FAXC: variants seen among roughly 807,000 people sequenced by gnomAD.
The protein encoded by FAXC is failed axon connections homolog, metaxin like GST domain containing.
Under a neutral mutation model 41.9 loss-of-function variants are expected in FAXC, and 10 were observed. The observed-to-expected ratio is 0.24, with a 90% confidence interval of 0.15 to 0.41. FAXC has a LOEUF of 0.41. Ranked by LOEUF, FAXC falls within the 10% of genes least tolerant of loss-of-function variation. FAXC has a pLI of 1.00. For synonymous variants in FAXC, 183 were observed against 183.8 expected (o/e 1.00, Z 0.03); for missense variants, 399 against 510.9 (o/e 0.78, Z 2.11).
At chr6:99,296,624 C>T (rs559869336) in intron 4 of FAXC, among the ~76,000 whole-genome samples, 2 of 152,274 alleles carry the variant, frequency 1.3e-5, no homozygotes, top group African/African-American at 4.8e-5. Flanking sequence ...GTGCAGAGCC[C>T]TCCTGACGAT....
chr6:99,318,694 G>A (rs1014600462), intron 4 of FAXC, among the ~76,000 whole-genome samples: 6 of 152,202 alleles, frequency 3.9e-5, no homozygotes, highest in Admixed American at 3.3e-4. Flanking sequence ...CCTGCAGTAA[G>A]TACTTTACAG....
rs947481879 is a variant in FAXC, at chr6:99,292,348, C to G, written c.824-528G>C. On this transcript the variant is annotated intron_variant, in intron 4 of 5. Coordinates refer to ENST00000389677, the MANE Select transcript of FAXC (RefSeq NM_032511.4). ...TGGCAAAGTTCTCACCTCTGAGGAT[C>G]AGCTTCCATGGAAAACAATAAGTAA... 6.6e-5 allele frequency among the ~76,000 whole-genome samples: 10 copies of G among 152,214 alleles called. 1 individual carries two copies. The highest frequency in any genetic ancestry group is 2.4e-4 in the African/African-American group (10 of 41,454).
At chr6:99,306,956 G>T (rs1001763309) in intron 4 of FAXC, among the ~76,000 whole-genome samples, 13 of 152,170 alleles carry the variant, frequency 8.5e-5, no homozygotes, top group Non-Finnish European at 1.6e-4. Flanking sequence ...AGGGAGCTGG[G>T]AATCTCTGGA....
intron 3 of FAXC, 25 bp downstream of exon 3, chr6:99,333,326 C>G: frequency 3.8e-6 from 6 of 1,560,136 alleles, no homozygotes; most frequent in Non-Finnish European, 3.5e-6. Context: ...TTCGAAAGGA[C>G]GGGGACACCC....
chr6:99,336,696 C>T (rs1220056371), intron 2 of FAXC, among the ~76,000 whole-genome samples: 1 of 152,180 alleles, frequency 6.6e-6, no homozygotes, highest in Non-Finnish European at 1.5e-5. Context: ...GACCCTGGAC[C>T]TCCCTGGGTC....
At chr6:99,331,472 A>T (rs1773021099) in intron 3 of FAXC, among the ~76,000 whole-genome samples, 1 of 152,242 alleles carries the variant, frequency 6.6e-6, no homozygotes, top group Non-Finnish European at 1.5e-5. Context: ...ATGAATTTTT[A>T]GCAAGGAGTA....
chr6:99,291,240 T>G (rs1341050786), intron 5 of FAXC, among the ~76,000 whole-genome samples: 1 of 152,176 alleles, frequency 6.6e-6, no homozygotes, highest in Non-Finnish European at 1.5e-5. Flanking sequence ...CAGTTTAGAC[T>G]CAGAGCATCT....
Position 99,323,611 on chromosome 6 carries a change from G to C in FAXC, c.656C>G (p.Ser219Cys), listed in dbSNP as rs1772673422. The C allele has an allele frequency of 1.9e-6, 3 of 1,614,128 alleles. No individual in the cohort carries two copies. The highest frequency in any genetic ancestry group is 1.3e-5 in the African/African-American group (1 of 74,950). Residue 219 changes from serine to cysteine, a missense_variant, in exon 4 of 6, where the codon TCT (serine) becomes TGT (cysteine). Physicochemically the swap from Ser to Cys is moderately radical, Grantham distance 112 (BLOSUM62 -1). This residue lies in a region of FAXC where 239 missense variants were observed against 352.7 expected (regional missense o/e 0.68). Transcript: ENST00000389677. ...GCTGAAGGGACCACCACCACTAAGA[G>C]AGAGCATCTTCCGGGTCTCATTGAG... ...DNLNETRKML[S>C]LSGGGPFSNL...
chr6:99,313,657 T>C (rs1014518872), intron 4 of FAXC, among the ~76,000 whole-genome samples: 3 of 152,244 alleles, frequency 2.0e-5, no homozygotes, highest in African/African-American at 7.2e-5. Flanking sequence ...CCATATTTTA[T>C]TCTGGCACCT....
rs890725209 is a variant in FAXC, at chr6:99,279,343, C to T, written c.*1821G>A. On this transcript the variant is annotated 3_prime_UTR_variant, in exon 6 of 6. Coordinates refer to ENST00000389677, the MANE Select transcript of FAXC (RefSeq NM_032511.4). Reference sequence around the variant, plus strand: ...GTATCTCAGCACGTATTCCCAGTTACATATGCCCTACACAATTGCTTAAGT... The same window carrying T: ...GTATCTCAGCACGTATTCCCAGTTATATATGCCCTACACAATTGCTTAAGT... 3 of 152,180 alleles carry T rather than the reference C, an allele frequency of 2.0e-5. No individual in the cohort carries two copies. The highest frequency in any genetic ancestry group is 4.4e-5 in the Non-Finnish European group (3 of 68,024). 9.4% of individuals were successfully genotyped at this position (152,180 alleles called of 1,614,324 possible).
rs763712081 is a variant in FAXC at position 99,281,247 on chromosome 6, G to A, written c.1147C>T (p.Pro383Ser). The change falls in exon 6 of 6, where the codon CCA (proline) becomes TCA (serine). Residue 383 changes from proline (P) to serine (S), a missense_variant. Pro to Ser is a moderately conservative substitution (Grantham distance 74). This residue lies in a region of FAXC where 92 missense variants were observed against 94.9 expected (regional missense o/e 0.97). Coordinates refer to ENST00000389677, the MANE Select transcript of FAXC (RefSeq NM_032511.4). ...EGAENSFSRT[P>S]DTDFTGHSLF... is the part of the protein sequence containing the mutation. The stretch of plus-strand genomic sequence containing the variant: ...GAGTGTCCAGTAAAATCTGTGTCTG[G>A]GGTTCTGGAAAAACTGTTTTCTGCT... The A allele has an allele frequency of 6.2e-7, 1 of 1,613,694 alleles. No individual in the cohort carries two copies. Among genetic ancestry groups the A allele is most frequent in the South Asian group, 1.1e-5 (1 of 91,068 alleles).
intron 4 of FAXC, among the ~76,000 whole-genome samples, chr6:99,308,477 C>T (rs1772020400): frequency 6.6e-6 from 1 of 152,070 alleles, no homozygotes; most frequent in African/African-American, 2.4e-5. Context: ...TGGAGAGCAC[C>T]ATGGCGATGC....
At chr6:99,303,840 T>C (rs1388434783) in intron 4 of FAXC, among the ~76,000 whole-genome samples, 1 of 152,232 alleles carries the variant, frequency 6.6e-6, no homozygotes, top group Non-Finnish European at 1.5e-5. Flanking sequence ...ACCTCTAGGC[T>C]CTTTAAGCTC....
intron 2 of FAXC, among the ~76,000 whole-genome samples, chr6:99,340,099 A>T (rs753409011): frequency 7.9e-5 from 12 of 152,066 alleles, no homozygotes; most frequent in Non-Finnish European, 1.3e-4. Context: ...TGAGATTAAC[A>T]TCAATTTTCT....
intron 1 of FAXC, among the ~76,000 whole-genome samples, chr6:99,344,959 T>C (rs188892148): frequency 1.3e-3 from 199 of 152,330 alleles, no homozygotes; most frequent in Non-Finnish European, 2.2e-3. Flanking sequence ...ATATTATATA[T>C]GTTAACTTAT....
intron 4 of FAXC, among the ~76,000 whole-genome samples, chr6:99,316,720 T>C (rs776472990): frequency 6.6e-6 from 1 of 152,212 alleles, no homozygotes; most frequent in Non-Finnish European, 1.5e-5. Flanking sequence ...AGATTTTCTA[T>C]GACTAATCAC....
rs762441581 is a variant in FAXC, at chr6:99,281,272, T to G, written c.1122A>C (p.Gly374=). ...YSRTETFEDE[G]AENSFSRTPD... ...GGGTTCTGGAAAAACTGTTTTCTGC[T>G]CCCTCATCTTCAAAGGTCTCTGTCC... Residue 374 remains glycine, a synonymous_variant, in exon 6 of 6, where the codon GGA becomes GGC. Transcript: ENST00000389677. 9 of 1,614,172 alleles carry G rather than the reference T, an allele frequency of 5.6e-6. No individual in the cohort carries two copies. In the South Asian group the frequency reaches 8.8e-5, roughly 16 times the overall value.
rs1289490797 is a variant in FAXC, at chr6:99,272,568, CTCCT to C, written c.*8592_*8595del. On this transcript the variant is annotated 3_prime_UTR_variant, in exon 6 of 6. Coordinates refer to ENST00000389677, the MANE Select transcript of FAXC (RefSeq NM_032511.4). ...ACATGTGCTCCCAGCTCTCCCTCTC[CTCCT>C]TGTCTTCTCTCTACCAGTGGTTCTC... 1 of 152,246 alleles carries C rather than the reference CTCCT, an allele frequency of 6.6e-6. No individual in the cohort carries two copies. Among genetic ancestry groups the C allele is most frequent in the African/African-American group, 2.4e-5 (1 of 41,452 alleles). The allele number at this position is 152,246 out of a possible 1,614,324, so 9.4% of individuals were successfully genotyped here.
At chr6:99,315,598 T>C (rs1772320847) in intron 4 of FAXC, among the ~76,000 whole-genome samples, 1 of 152,148 alleles carries the variant, frequency 6.6e-6, no homozygotes, top group Non-Finnish European at 1.5e-5. Context: ...ACAAGTATAC[T>C]CTCCTCCTAA....
Sources: gnomAD v4.1 joint callset for allele counts (sites outside exome capture counted in the v4.1 genomes callset) on GRCh38, gnomAD v4.1.1 for gene constraint, gnomAD v4.1.1 regional missense constraint, MANE v1.5 for transcripts, NCBI Gene and HGNC (gene_info 2026-07-23, HGNC 2026-07-21) for gene names.